Variants in WDR48 observed in about 807,000 individuals in gnomAD.
WDR48 encodes the protein WD repeat-containing protein 48.
In WDR48, 22 loss-of-function variants were observed where a neutral mutation model predicts 94.0. That is an observed-to-expected ratio of 0.23 (90% confidence interval 0.17 to 0.33). WDR48 has a LOEUF of 0.33. Ranked by LOEUF, WDR48 falls within the 10% of genes least tolerant of loss-of-function variation. The pLI is 1.00. For missense variants in WDR48, 541 were observed against 813.8 expected (o/e 0.66, Z 4.08); for synonymous variants, 278 against 280.5 (o/e 0.99, Z 0.09).
chr3:39,055,209 A>C (rs1393282903), intron 1 of WDR48, among the ~76,000 whole-genome samples: 1 of 152,220 alleles, frequency 6.6e-6, no homozygotes, highest in Non-Finnish European at 1.5e-5. Flanking sequence ...AGTGGAGGCC[A>C]GGCGTGGTGG....
At chr3:39,063,305 G>A in intron 2 of WDR48, 115 bp downstream of exon 2, 1 of 1,360,532 alleles carries the variant, frequency 7.4e-7, no homozygotes, top group Non-Finnish European at 1.0e-6. Context: ...GAGTTATTTG[G>A]TACACTCTAT....
At chr3:39,090,924 G>C (rs1023880793) in intron 16 of WDR48, 2 of 152,156 alleles carry the variant, frequency 1.3e-5, no homozygotes, top group African/African-American at 4.8e-5. Flanking sequence ...TAATTTCTTT[G>C]AGTGTGAAAC....
At chr3:39,079,569 T>C in intron 10 of WDR48, 142 bp from the exon 11 acceptor site, 1 of 500,830 alleles carries the variant, frequency 2.0e-6, no homozygotes, top group Non-Finnish European at 3.5e-6. Flanking sequence ...GATATAATTA[T>C]ATAGTCTTTA....
intron 8 of WDR48, among the ~76,000 whole-genome samples, chr3:39,075,524 C>T (rs966982725): frequency 1.2e-4 from 19 of 152,070 alleles, no homozygotes; most frequent in African/African-American, 4.6e-4. Context: ...GCAGCCCTAA[C>T]CATCAGGATC....
At chr3:39,075,498 C>T (rs185976664) in intron 8 of WDR48, among the ~76,000 whole-genome samples, 39 of 152,230 alleles carry the variant, frequency 2.6e-4, no homozygotes, top group African/African-American at 8.2e-4. Flanking sequence ...ATACTCCAAA[C>T]CACCACTGCC....
At chr3:39,091,849 G>A (rs904833574) in intron 17 of WDR48, 148 bp downstream of exon 17, 9 of 703,152 alleles carry the variant, frequency 1.3e-5, no homozygotes, top group African/African-American at 1.9e-5. Context: ...CACTTACCAG[G>A]TACCAACTTT....
intron 1 of WDR48, among the ~76,000 whole-genome samples, chr3:39,052,842 C>G: frequency 6.6e-6 from 1 of 151,956 alleles, no homozygotes; most frequent in East Asian, 1.9e-4. Context: ...ACTGCCACTT[C>G]GGGGAACATC....
At position 39,079,714 on chromosome 3, in the gene WDR48, G is replaced by T; in HGVS notation, c.1079G>T (p.Gly360Val). Residue 360 changes from glycine (G) to valine (V), a missense_variant, in exon 11 of 19, where the codon GGT becomes GTT. Physicochemically the swap from Gly to Val is moderately radical, Grantham distance 109. This residue lies in a region of WDR48 where 238 missense variants were observed against 285.3 expected (regional missense o/e 0.83). Coordinates refer to ENST00000302313, the MANE Select transcript of WDR48 (RefSeq NM_020839.4). ...CTQPDQVIKG[G>V]ASIIQCHILN... Reference sequence around the variant, plus strand: ...TTGTGTTTTTTTTTCCCATTAGGGGGTGCTAGTATTATTCAGTGCCACATT... The same window carrying T: ...TTGTGTTTTTTTTTCCCATTAGGGGTTGCTAGTATTATTCAGTGCCACATT... 6.5e-7 allele frequency: 1 copy of T among 1,541,638 alleles called. No homozygotes were observed. Among genetic ancestry groups the T allele is most frequent in the East Asian group, 2.4e-5 (1 of 41,044 alleles).
At position 39,064,561 on chromosome 3, in the gene WDR48, C is replaced by G. The variant is rs543426707; in HGVS notation, c.190-1250C>G. 2.0e-5 allele frequency among the ~76,000 whole-genome samples: 3 copies of G among 152,228 alleles called. No individual in the cohort carries two copies. The East Asian group carries it at 5.8e-4, about 29-fold the overall frequency. On this transcript the variant is annotated intron_variant, in intron 2 of 18. Transcript: ENST00000302313. ...AAGTGCTGGTATTACAGGCGTGAGC[C>G]ACCGCGCCTGGCCAGATCCATTTTC... is the stretch of plus-strand genomic sequence containing the variant.
chr3:39,094,304 T>G, intron 18 of WDR48: 1 of 1,423,910 alleles, frequency 7.0e-7, no homozygotes, highest in Non-Finnish European at 9.1e-7. Context: ...AAAAGACACA[T>G]GGTCTTCTTG....
intron 7 of WDR48, among the ~76,000 whole-genome samples, chr3:39,073,370 G>A (rs552942433): frequency 6.6e-6 from 1 of 152,238 alleles, no homozygotes; most frequent in East Asian, 1.9e-4. Flanking sequence ...TTCCTAGTAT[G>A]TGTTCATTTA....
chr3:39,084,664 A>C lies in WDR48; in HGVS notation c.1301A>C (p.Asp434Ala), dbSNP rs765067699. ...LKTGMLTITL[D>A]ESDCFAAWVS... Reference sequence around the variant, plus strand: ...TGATAGATGTTAACTATTACTTTGGATGAAAGTGATTGTTTTGCTGCCTGG... The same window carrying C: ...TGATAGATGTTAACTATTACTTTGGCTGAAAGTGATTGTTTTGCTGCCTGG... Residue 434 changes from aspartate to alanine, a missense_variant, in exon 13 of 19, where the codon GAT becomes GCT. By Grantham distance (126) the Asp-to-Ala change is moderately radical. Around this residue, in one of 5 missense-constraint regions of WDR48, gnomAD observed 238 missense variants for 285.3 expected, o/e 0.83. Coordinates refer to ENST00000302313, the MANE Select transcript of WDR48 (RefSeq NM_020839.4). 6.2e-7 allele frequency: 1 copy of C among 1,613,704 alleles called. No homozygotes were observed. Among genetic ancestry groups the C allele is most frequent in the Non-Finnish European group, 8.5e-7 (1 of 1,179,896 alleles).
chr3:39,081,100 T>C (rs1003998643), intron 11 of WDR48, among the ~76,000 whole-genome samples: 1 of 152,150 alleles, frequency 6.6e-6, no homozygotes, highest in Non-Finnish European at 1.5e-5. Flanking sequence ...GAAGACGTCA[T>C]GATTGGAGAT....
chr3:39,079,809 G>T lies in WDR48; in HGVS notation c.1173+1G>T. 1 of 1,524,404 alleles carries T rather than the reference G, an allele frequency of 6.6e-7. No individual in the cohort carries two copies. Among genetic ancestry groups the T allele is most frequent in the Non-Finnish European group, 8.7e-7 (1 of 1,143,436 alleles). 94.4% of individuals were successfully genotyped at this position (1,524,404 alleles called of 1,614,324 possible). ...TGTGGCATATTGGGATGTATTGAAGGTGAGTATTTTTTTTGGGCTAAATAT... is the reference window on the plus strand; with the variant it reads ...TGTGGCATATTGGGATGTATTGAAGTTGAGTATTTTTTTTGGGCTAAATAT... On this transcript the variant is annotated splice_donor_variant, in intron 11 of 18. Coordinates refer to ENST00000302313, the MANE Select transcript of WDR48 (RefSeq NM_020839.4). LOFTEE classifies it high-confidence loss of function.
At chr3:39,091,462 C>G (rs539441268) in intron 16 of WDR48, 163 bp from the exon 17 acceptor site, 1 of 528,624 alleles carries the variant, frequency 1.9e-6, no homozygotes, top group East Asian at 3.6e-5. Context: ...TGAATTTTCT[C>G]GAAGGCTGAC....
intron 17 of WDR48, 76 bp from the exon 18 acceptor site, chr3:39,093,798 T>C (rs1437659714): frequency 7.5e-7 from 1 of 1,342,198 alleles, no homozygotes; most frequent in African/African-American, 1.5e-5. Context: ...AATGTTTGCA[T>C]CAAAGAAAAA....
At chr3:39,071,280 C>G (rs2033921785) in intron 7 of WDR48, among the ~76,000 whole-genome samples, 2 of 152,116 alleles carry the variant, frequency 1.3e-5, no homozygotes, top group Admixed American at 1.3e-4. Context: ...TAACTGTAAG[C>G]CAGGGCATTT....
Position 39,059,520 on chromosome 3 carries a change from A to G in WDR48, c.49-3530A>G, listed in dbSNP as rs185584381. On this transcript the variant is annotated intron_variant, in intron 1 of 18. Coordinates refer to ENST00000302313, the MANE Select transcript of WDR48 (RefSeq NM_020839.4). ...GAAGTGTCATGATTTGATTTTTTAA[A>G]TGCCTCTTATAAATGATGACTGTAT... Among the ~76,000 whole-genome samples, 262 of 152,352 alleles carry G rather than the reference A, an allele frequency of 1.7e-3. No homozygotes were observed. The Middle Eastern group carries it at 0.02, about 12-fold the overall frequency.
chr3:39,071,821 A>G (rs1179078299), intron 7 of WDR48, among the ~76,000 whole-genome samples: 1 of 152,250 alleles, frequency 6.6e-6, no homozygotes, highest in African/African-American at 2.4e-5. Flanking sequence ...ACAAAAAACT[A>G]TAATAACTGC....
Sources: gnomAD v4.1 joint callset for allele counts (sites outside exome capture counted in the v4.1 genomes callset) on GRCh38, gnomAD v4.1.1 for gene constraint, gnomAD v4.1.1 regional missense constraint, MANE v1.5 for transcripts, NCBI Gene and HGNC (gene_info 2026-07-23, HGNC 2026-07-21) for gene names.